The following SPG11 variants were observed in gnomAD, a reference collection of about 807,000 sequenced individuals.
SPG11 encodes SPG11 vesicle trafficking associated, spatacsin.
A neutral mutation model predicts 274.0 loss-of-function variants in SPG11; 222 were observed. That is an observed-to-expected ratio of 0.81 (90% CI 0.73 to 0.91). SPG11 has a LOEUF of 0.91. Among genes scored for constraint, SPG11 ranks in the 40% least tolerant of loss-of-function variants. The pLI is 0.00. For missense variants in SPG11, 3,114 were observed against 2,872.7 expected, an observed-to-expected ratio of 1.08 and a Z score of -1.92; for synonymous variants, 1,144 against 1,039.7, an observed-to-expected ratio of 1.10 and a Z score of -1.93.
At chr15:44,568,044 G>C (rs2082345359) in intron 35 of SPG11, among the ~76,000 whole-genome samples, 1 of 152,192 alleles carries the variant, frequency 6.6e-6, no homozygotes, top group Non-Finnish European at 1.5e-5. Context: ...GATATACTTT[G>C]TTAAGTGAGA....
rs1240848314 is a variant in SPG11 at position 44,663,580 on chromosome 15, C to A, written c.68G>T (p.Gly23Val). ...AGGSWGTAAMGRVLPMLLVPV... is the reference protein window; with the variant it reads ...AGGSWGTAAMVRVLPMLLVPV... ...CACCAACAGCATCGGTAGAACCCGC[C>A]CCATGGCCGCGGTGCCCCAGCTACC... Residue 23 changes from glycine (G) to valine (V), a missense_variant, in exon 1 of 40, where the codon GGG becomes GTG. Coordinates refer to ENST00000261866, the MANE Select transcript of SPG11 (RefSeq NM_025137.4). 2 of 1,596,596 alleles carry A rather than the reference C, an allele frequency of 1.3e-6. No individual in the cohort carries two copies. The highest frequency in any genetic ancestry group is 2.3e-5 in the East Asian group (1 of 44,356).
At chr15:44,609,123 A>T (rs1277336993) in intron 18 of SPG11, among the ~76,000 whole-genome samples, 1 of 152,074 alleles carries the variant, frequency 6.6e-6, no homozygotes, top group Non-Finnish European at 1.5e-5. Flanking sequence ...TGAAGATTAG[A>T]TATTAAACAA....
intron 7 of SPG11, among the ~76,000 whole-genome samples, chr15:44,635,832 G>T (rs2084230798): frequency 6.6e-6 from 1 of 151,608 alleles, no homozygotes; most frequent in Admixed American, 6.6e-5. Flanking sequence ...CAGGAGAATT[G>T]CTTGAACCTG....
chr15:44,595,940 C>A (rs2083024302), intron 25 of SPG11, 143 bp downstream of exon 25: 1 of 1,138,782 alleles, frequency 8.8e-7, no homozygotes, highest in Non-Finnish European at 1.3e-6. Context: ...TAGAGAAGCA[C>A]AAAATGTTGC....
In SPG11 at chr15:44,622,361, T is replaced by A. The variant is rs757110981; in HGVS notation, c.2317-14A>T. ...TAAAATTTCAACCTTGAATAAAAAG[T>A]AATTAAAGCAGTGACTTTACAAAAA... is the stretch of plus-strand genomic sequence containing the variant. On this transcript the variant is annotated splice_polypyrimidine_tract_variant and intron_variant, in intron 12 of 39. Transcript: ENST00000261866. 7.2e-6 allele frequency: 11 copies of A among 1,526,638 alleles called. No individual in the cohort carries two copies. The highest frequency in any genetic ancestry group is 8.1e-6 in the Non-Finnish European group (9 of 1,114,318). 94.6% of individuals were successfully genotyped at this position (1,526,638 alleles called of 1,614,324 possible).
At chr15:44,616,669 TTTG>T (rs1227047571) in intron 15 of SPG11, among the ~76,000 whole-genome samples, 1 of 152,198 alleles carries the variant, frequency 6.6e-6, no homozygotes. Context: ...CTGGGTATAA[TTTG>T]TTATTTTTCA....
intron 8 of SPG11, among the ~76,000 whole-genome samples, chr15:44,629,898 C>T (rs1479291524): frequency 6.6e-6 from 1 of 152,126 alleles, no homozygotes; most frequent in Non-Finnish European, 1.5e-5. Flanking sequence ...TGGTGAAACC[C>T]CGCCTCTACT....
At chr15:44,647,583 T>C (rs1029770263) in intron 7 of SPG11, among the ~76,000 whole-genome samples, 1 of 152,176 alleles carries the variant, frequency 6.6e-6, no homozygotes, top group African/African-American at 2.4e-5. Flanking sequence ...TATTCAGCCA[T>C]AAAAAGGAAT....
chr15:44,592,296 G>T, intron 27 of SPG11, 35 bp downstream of exon 27: 1 of 1,287,222 alleles, frequency 7.8e-7, no homozygotes, highest in Non-Finnish European at 1.1e-6. Context: ...ACCAAGTGCA[G>T]ATCAGTGAGA....
chr15:44,576,158 AAAAAAAAAAG>A (rs2082534563), intron 30 of SPG11, among the ~76,000 whole-genome samples: 1 of 150,228 alleles, frequency 6.7e-6, no homozygotes, highest in African/African-American at 2.4e-5. Flanking sequence ...AAAAAAAAAA[AAAAAAAAAAG>A]CTCTTAGCTT....
At position 44,595,251 on chromosome 15, in the gene SPG11, A is replaced by G. The variant is rs2083004645; in HGVS notation, c.4635+8T>C. ...AGCTCTGGAAAGAAGTGAAGCAACT[A>G]TCACTACCTTAAAGAAAAGCTGGAA... On this transcript the variant is annotated splice_region_variant and intron_variant, in intron 26 of 39. Coordinates refer to ENST00000261866, the MANE Select transcript of SPG11 (RefSeq NM_025137.4). The G allele has an allele frequency of 6.2e-7, 1 of 1,612,880 alleles. No homozygotes were observed. Among genetic ancestry groups the G allele is most frequent in the Non-Finnish European group, 8.5e-7 (1 of 1,178,788 alleles).
intron 1 of SPG11, among the ~76,000 whole-genome samples, chr15:44,661,688 A>G (rs2085112473): frequency 6.6e-6 from 1 of 152,140 alleles, no homozygotes; most frequent in Non-Finnish European, 1.5e-5. Context: ...AAATATACAA[A>G]AGGTTAAACT....
intron 7 of SPG11, among the ~76,000 whole-genome samples, chr15:44,639,580 G>C (rs555442853): frequency 6.6e-6 from 1 of 151,972 alleles, no homozygotes; most frequent in Non-Finnish European, 1.5e-5. Flanking sequence ...GTGTGCAACC[G>C]TAGTCCCAGC....
intron 35 of SPG11, among the ~76,000 whole-genome samples, chr15:44,568,539 G>A (rs982636709): frequency 4.6e-5 from 7 of 152,160 alleles, no homozygotes; most frequent in African/African-American, 7.2e-5. Flanking sequence ...GAGTATGCTC[G>A]GTGTCACAGA....
chr15:44,645,159 T>C (rs553437842), intron 7 of SPG11, among the ~76,000 whole-genome samples: 1 of 152,324 alleles, frequency 6.6e-6, no homozygotes, highest in Non-Finnish European at 1.5e-5. Flanking sequence ...TCATCACTTC[T>C]CGGCCTTTTG....
rs1263166326 is a variant in SPG11 at position 44,636,946 on chromosome 15, A to C, written c.1603-3309T>G. ...ATCTCAAAAAAAAAAAAAAAAAAAA[A>C]AAAAAAAAAAACAAAAAAAAAACAC... On this transcript the variant is annotated intron_variant, in intron 7 of 39. Transcript: ENST00000261866. Among the ~76,000 whole-genome samples the C allele has an allele frequency of 3.2e-4, 42 of 129,870 alleles. No homozygotes were observed. In the East Asian group the frequency reaches 9.7e-3, roughly 30 times the overall value. The allele number at this position is 129,870 out of a possible 152,430, so 85.2% of individuals were successfully genotyped here. A position where few individuals can be genotyped will look rare whatever the true frequency, so the allele number is the denominator to read the frequency against.
intron 7 of SPG11, among the ~76,000 whole-genome samples, chr15:44,634,067 G>A (rs1210210613): frequency 6.6e-6 from 1 of 152,098 alleles, no homozygotes; most frequent in African/African-American, 2.4e-5. Flanking sequence ...TCGAACTCCT[G>A]ACCTCAAATG....
intron 11 of SPG11, among the ~76,000 whole-genome samples, chr15:44,623,779 CAG>C (rs2083820456): frequency 6.6e-6 from 1 of 151,696 alleles, no homozygotes; most frequent in African/African-American, 2.4e-5. Flanking sequence ...TTTTTTGAGA[CAG>C]GGTCTCGCTC....
chr15:44,647,840 A>G (rs983312247), intron 7 of SPG11, among the ~76,000 whole-genome samples: 2 of 152,374 alleles, frequency 1.3e-5, no homozygotes, highest in East Asian at 1.9e-4. Context: ...TGATGGCTGC[A>G]CAACTCTGAA....
Sources: allele counts gnomAD v4.1 joint callset (sites outside exome capture counted in the v4.1 genomes callset), GRCh38; gene constraint gnomAD v4.1.1; transcripts MANE v1.5; gene names NCBI Gene and HGNC (gene_info 2026-07-23, HGNC 2026-07-21).